Variants in ASXL2 observed in about 807,000 individuals in gnomAD.
ASXL2 encodes ASXL transcriptional regulator 2.
A neutral mutation model predicts 122.0 loss-of-function variants in ASXL2; 23 were observed. The observed-to-expected ratio is 0.19, with a 90% CI of 0.14 to 0.27. The LOEUF is 0.27. Among genes scored for constraint, ASXL2 ranks in the 10% least tolerant of loss-of-function variants. ASXL2 has a pLI of 1.00. For missense variants in ASXL2, 1,518 were observed against 1,713.8 expected (o/e 0.89, Z 2.02); for synonymous variants, 650 against 637.0 (o/e 1.02, Z -0.31).
Position 25,790,460 on chromosome 2 carries a change from AT to A in ASXL2, c.403+8924del, listed in dbSNP as rs544541493. ...AAAAAAGGAAAAAAATTAAAGCTTT[AT>A]TTTAACTATATCAAGACCCTGTTTA... On this transcript the variant is annotated intron_variant, in intron 5 of 12. Transcript: ENST00000435504. Among the ~76,000 whole-genome samples the A allele has an allele frequency of 3.6e-4, 54 of 152,108 alleles. No individual in the cohort carries two copies. In the South Asian group the frequency reaches 0.01, roughly 29 times the overall value.
chr2:25,752,768 C>T (rs1438807923), intron 11 of ASXL2, among the ~76,000 whole-genome samples: 1 of 151,188 alleles, frequency 6.6e-6, no homozygotes, highest in Non-Finnish European at 1.5e-5. Context: ...TGCTTGAAAC[C>T]AGAAGGCACA....
chr2:25,773,234 C>T (rs1159702034), intron 5 of ASXL2, among the ~76,000 whole-genome samples: 2 of 151,164 alleles, frequency 1.3e-5, no homozygotes, highest in Non-Finnish European at 2.9e-5. Context: ...GCTGACTTAT[C>T]GTCATACTTA....
At chr2:25,748,573 G>A (rs2087981371) in intron 12 of ASXL2, among the ~76,000 whole-genome samples, 1 of 151,816 alleles carries the variant, frequency 6.6e-6, no homozygotes, top group East Asian at 1.9e-4. Context: ...AATACTTCCT[G>A]ACAGAACTAA....
At chr2:25,778,325 A>G (rs779956364) in intron 5 of ASXL2, among the ~76,000 whole-genome samples, 1 of 152,240 alleles carries the variant, frequency 6.6e-6, no homozygotes, top group Non-Finnish European at 1.5e-5. Context: ...GGCAATGTGA[A>G]GACAGAGGCA....
At chr2:25,754,038 T>C (rs2088091573) in intron 10 of ASXL2, among the ~76,000 whole-genome samples, 1 of 152,218 alleles carries the variant, frequency 6.6e-6, no homozygotes, top group Admixed American at 6.5e-5. Context: ...ATTTTAAAGA[T>C]CAGTTTCTCC....
At position 25,738,685 on chromosome 2, in the gene ASXL2, A is replaced by G. The variant is rs1472369375; in HGVS notation, c.*3344T>C. On this transcript the variant is annotated 3_prime_UTR_variant, in exon 13 of 13. Coordinates refer to ENST00000435504, the MANE Select transcript of ASXL2 (RefSeq NM_018263.6). ...CTAAGGTGGAGAAAGGCAATAATAAACAACAGAATGTTAACTGTCAGGTCA... is the reference window on the plus strand; with the variant it reads ...CTAAGGTGGAGAAAGGCAATAATAAGCAACAGAATGTTAACTGTCAGGTCA... 2 of 152,216 alleles carry G rather than the reference A, an allele frequency of 1.3e-5. No homozygotes were observed. Among genetic ancestry groups the G allele is most frequent in the African/African-American group, 2.4e-5 (1 of 41,454 alleles). The allele number at this position is 152,216 out of a possible 1,614,324, so 9.4% of individuals were successfully genotyped here.
chr2:25,806,471 A>C, intron 3 of ASXL2, 134 bp from the exon 4 acceptor site: 1 of 542,024 alleles, frequency 1.8e-6, no homozygotes, highest in Admixed American at 3.4e-5. Context: ...AACTATAAGA[A>C]GTCTACCAAT....
At chr2:25,820,663 C>T (rs35926307) in intron 3 of ASXL2, among the ~76,000 whole-genome samples, 41,962 of 151,982 alleles carry the variant, frequency 0.28, 6,095 homozygotes, top group African/African-American at 0.32. Flanking sequence ...ATTCTAAAAC[C>T]GGATTATGGT....
intron 5 of ASXL2, among the ~76,000 whole-genome samples, chr2:25,798,114 TA>T (rs1411759883): frequency 1.3e-5 from 2 of 152,116 alleles, no homozygotes; most frequent in Non-Finnish European, 2.9e-5. Flanking sequence ...AAGTGGGAGC[TA>T]AATGATGAGA....
chr2:25,850,417 T>TTTA (rs1559528282), intron 1 of ASXL2, among the ~76,000 whole-genome samples: 4 of 152,232 alleles, frequency 2.6e-5, no homozygotes, highest in Admixed American at 2.0e-4. Flanking sequence ...TAAACTGTAT[T>TTTA]GTAGTTACAC....
intron 5 of ASXL2, among the ~76,000 whole-genome samples, chr2:25,774,625 G>A (rs1460051932): frequency 3.3e-5 from 5 of 152,164 alleles, no homozygotes; most frequent in Non-Finnish European, 5.9e-5. Context: ...ATGTACATGT[G>A]AGTGTTTTTC....
At chr2:25,767,786 A>C in intron 7 of ASXL2, 60 bp from the exon 8 acceptor site, 1 of 1,569,912 alleles carries the variant, frequency 6.4e-7, no homozygotes, top group Non-Finnish European at 8.7e-7. Flanking sequence ...AGAATCAATT[A>C]ATCAATCATT....
chr2:25,783,087 C>T (rs62127680), intron 5 of ASXL2, among the ~76,000 whole-genome samples: 38,536 of 151,984 alleles, frequency 0.25, 5,122 homozygotes, highest in Non-Finnish European at 0.29. Flanking sequence ...CAAGATCGTA[C>T]CACTGCACTC....
At chr2:25,760,856 T>G (rs1024044031) in intron 8 of ASXL2, among the ~76,000 whole-genome samples, 4 of 152,170 alleles carry the variant, frequency 2.6e-5, no homozygotes, top group African/African-American at 9.7e-5. Context: ...AATACAGAAT[T>G]GCTATGTACA....
chr2:25,870,857 T>C (rs749568422), intron 1 of ASXL2, among the ~76,000 whole-genome samples: 10 of 152,186 alleles, frequency 6.6e-5, no homozygotes, highest in Admixed American at 2.6e-4. Flanking sequence ...CCAGAGTTAA[T>C]TTCGGTATGG....
intron 3 of ASXL2, among the ~76,000 whole-genome samples, chr2:25,819,180 C>A (rs993003886): frequency 6.6e-6 from 1 of 152,178 alleles, no homozygotes; most frequent in Non-Finnish European, 1.5e-5. Flanking sequence ...TCAGCCCTGA[C>A]CAACGCTCTG....
At chr2:25,783,438 A>G (rs2088680230) in intron 5 of ASXL2, among the ~76,000 whole-genome samples, 1 of 150,416 alleles carries the variant, frequency 6.6e-6, no homozygotes. Context: ...AAGTTTGTCT[A>G]TTATATTGAT....
At chr2:25,837,606 G>GT (rs537688831) in intron 2 of ASXL2, among the ~76,000 whole-genome samples, 171 of 152,198 alleles carry the variant, frequency 1.1e-3, no homozygotes, top group Non-Finnish European at 1.8e-3. Flanking sequence ...AATCCCAGCA[G>GT]TTTGGGAGGC....
intron 3 of ASXL2, among the ~76,000 whole-genome samples, chr2:25,820,962 T>A (rs1220312810): frequency 2.0e-5 from 3 of 151,602 alleles, no homozygotes; most frequent in African/African-American, 7.3e-5. Flanking sequence ...AGGTCAGGAG[T>A]TCGAGACCAG....
Sources: allele counts gnomAD v4.1 joint callset (sites outside exome capture counted in the v4.1 genomes callset), GRCh38; gene constraint gnomAD v4.1.1; transcripts MANE v1.5; gene names NCBI Gene and HGNC (gene_info 2026-07-23, HGNC 2026-07-21).